The following BBS12 variants were observed in gnomAD, a reference collection of about 807,000 sequenced individuals.
BBS12 encodes the protein chaperonin-containing T-complex member BBS12.
BBS12 carries 5 observed loss-of-function variants against 5.6 expected under a neutral mutation model. The observed-to-expected ratio is 0.89, with a 90% CI of 0.46 to 1.86. The LOEUF is 1.86. Among genes scored for constraint, BBS12 ranks in the 40% most tolerant of loss-of-function variants. The pLI is 0.01. For synonymous variants in BBS12, 308 were observed against 306.8 expected (o/e 1.00, Z -0.04); for missense variants, 748 against 830.4 (o/e 0.90, Z 1.22).
intron 1 of BBS12, among the ~76,000 whole-genome samples, chr4:122,733,376 A>AACACACACACACACACACACAC (rs3034555): frequency 4.5e-5 from 4 of 88,112 alleles, no homozygotes; most frequent in Non-Finnish European, 6.6e-5. Flanking sequence ...CTCCAACCCC[A>AACACACACACACACACACACAC]ACACACACAC....
At chr4:122,740,810 G>A (rs962438232) in intron 1 of BBS12, among the ~76,000 whole-genome samples, 3 of 152,090 alleles carry the variant, frequency 2.0e-5, no homozygotes, top group African/African-American at 7.2e-5. Context: ...ATTAAAACAA[G>A]AACTCATAAA....
chr4:122,734,162 A>T (rs997450706), intron 1 of BBS12: 2 of 152,166 alleles, frequency 1.3e-5, no homozygotes, highest in Non-Finnish European at 2.9e-5. Context: ...AATGGCACAA[A>T]TCCAAGATAA....
chr4:122,740,287 T>G (rs1262120122), intron 1 of BBS12, among the ~76,000 whole-genome samples: 2 of 152,064 alleles, frequency 1.3e-5, no homozygotes, highest in African/African-American at 4.8e-5. Context: ...ATAAAAAGAA[T>G]GCTAATCATT....
At chr4:122,716,670 T>C in the BBS12 span, among the ~76,000 whole-genome samples, 5 of 62,094 alleles carry the variant, frequency 8.1e-5, no homozygotes, top group African/African-American at 2.2e-4. Flanking sequence ...CATACACATA[T>C]GTGTATATAT....
chr4:122,742,247 G>A lies in BBS12; in HGVS notation c.355G>A (p.Gly119Ser), dbSNP rs77731085. 9.4e-4 allele frequency: 1,514 copies of A among 1,613,782 alleles called. 7 individuals carry two copies. The African/African-American group carries it at 0.013, about 14-fold the overall frequency. Reference protein sequence around the residue: ...ISIIVSVMSEGLNFCSEEVVS... With the variant: ...ISIIVSVMSESLNFCSEEVVS... ...CATAATAGTATCAGTAATGTCAGAAGGCTTAAACTTTTGTAGTGAAGAGGT... is the reference window on the plus strand; with the variant it reads ...CATAATAGTATCAGTAATGTCAGAAAGCTTAAACTTTTGTAGTGAAGAGGT... Residue 119 changes from glycine (G) to serine (S), a missense_variant, in exon 2 of 2, where the codon GGC (glycine) becomes AGC (serine). Gly to Ser is a moderately conservative substitution (Grantham distance 56). Transcript: ENST00000314218.
At chr4:122,731,889 T>C (rs561728547), upstream of BBS12, 1 of 152,198 alleles carries the variant, frequency 6.6e-6, no homozygotes, top group Non-Finnish European at 1.5e-5. Context: ...AAAACACAAT[T>C]AAAATGCTTA....
chr4:122,719,034 T>C, the BBS12 span, among the ~76,000 whole-genome samples: 2 of 152,158 alleles, frequency 1.3e-5, no homozygotes, highest in East Asian at 1.9e-4. Context: ...TTAGCCAGGA[T>C]GGTCTCGATC....
chr4:122,704,676 G>A, the BBS12 span, among the ~76,000 whole-genome samples: 1 of 152,158 alleles, frequency 6.6e-6, no homozygotes, highest in East Asian at 1.9e-4. Context: ...TCTCTCTCAT[G>A]TTTGGCTTTT....
chr4:122,742,972 G>A lies in BBS12; in HGVS notation c.1080G>A (p.Glu360=). The A allele has an allele frequency of 6.2e-7, 1 of 1,614,134 alleles. No homozygotes were observed. The highest frequency in any genetic ancestry group is 8.5e-7 in the Non-Finnish European group (1 of 1,179,978). The change falls in exon 2 of 2, where the codon GAG becomes GAA. Residue 360 remains glutamate, a synonymous_variant. Coordinates refer to ENST00000314218, the MANE Select transcript of BBS12 (RefSeq NM_152618.3). ...QNQPVRIVLI[E]GDLTENYRHL... ...AGCCTGTGCGAATAGTTCTCATTGA[G>A]GGTGACCTCACAGAGAATTACCGCC...
the BBS12 span, among the ~76,000 whole-genome samples, chr4:122,723,280 G>A: frequency 2.0e-5 from 3 of 152,232 alleles, no homozygotes; most frequent in African/African-American, 4.8e-5. Flanking sequence ...GTTTGGAAGC[G>A]TTATCTCTTT....
At chr4:122,729,372 TG>T (rs1800669253), upstream of BBS12, 1 of 152,244 alleles carries the variant, frequency 6.6e-6, no homozygotes, top group Non-Finnish European at 1.5e-5. Context: ...ACTGTATGTA[TG>T]AGATTCCGTT....
At chr4:122,723,333 T>G in the BBS12 span, among the ~76,000 whole-genome samples, 629 of 152,344 alleles carry the variant, frequency 4.1e-3, 3 homozygotes, top group African/African-American at 0.014. Flanking sequence ...CCTTAAATGG[T>G]AATAGACACC....
At chr4:122,710,435 C>A in the BBS12 span, among the ~76,000 whole-genome samples, 4 of 152,208 alleles carry the variant, frequency 2.6e-5, no homozygotes, top group African/African-American at 9.6e-5. Flanking sequence ...ATCTGCATAG[C>A]ACAACTGGGG....
In BBS12 at chr4:122,744,479, G is replaced by T; in HGVS notation, c.*454G>T. 5.5e-6 allele frequency: 1 copy of T among 182,392 alleles called. No individual in the cohort carries two copies. 11.3% of individuals were successfully genotyped at this position (182,392 alleles called of 1,614,324 possible). A position where few individuals can be genotyped will look rare whatever the true frequency, so the allele number is the denominator to read the frequency against. ...AGGGAGTTATTACCCCATACTTGAA[G>T]ATAGCTTAGTGTAAACACAAGCCTA... On this transcript the variant is annotated 3_prime_UTR_variant, in exon 2 of 2. Coordinates refer to ENST00000314218, the MANE Select transcript of BBS12 (RefSeq NM_152618.3).
chr4:122,740,652 A>G (rs527549865), intron 1 of BBS12, among the ~76,000 whole-genome samples: 1 of 152,344 alleles, frequency 6.6e-6, no homozygotes, highest in South Asian at 2.1e-4. Context: ...CACTAAATGC[A>G]TGAATGAATG....
At chr4:122,704,116 C>G in the BBS12 span, among the ~76,000 whole-genome samples, 2 of 152,194 alleles carry the variant, frequency 1.3e-5, no homozygotes, top group Non-Finnish European at 2.9e-5. Context: ...TACCAAAGTG[C>G]TGGGATTACA....
the BBS12 span, among the ~76,000 whole-genome samples, chr4:122,714,438 GACAAAAT>G: frequency 6.6e-6 from 1 of 152,126 alleles, no homozygotes; most frequent in South Asian, 2.1e-4. Context: ...TGTCCAAGAA[GACAAAAT>G]ACAAAATACA....
In BBS12 at chr4:122,743,209, C is replaced by T. The variant is rs1800917699; in HGVS notation, c.1317C>T (p.Gly439=). The stretch of plus-strand genomic sequence containing the variant: ...GGTTGGTAATCGGCTCAGTGAATGG[C>T]AGTGTGATGCAGGCTTTTGCAGAGG... ...SKRLVIGSVN[G]SVMQAFAEAA... The change falls in exon 2 of 2, where the codon GGC becomes GGT. Residue 439 remains glycine, a synonymous_variant. Coordinates refer to ENST00000314218, the MANE Select transcript of BBS12 (RefSeq NM_152618.3). 1.9e-6 allele frequency: 3 copies of T among 1,614,054 alleles called. No homozygotes were observed. In the African/African-American group the frequency reaches 4.0e-5, roughly 22 times the overall value.
the BBS12 span, among the ~76,000 whole-genome samples, chr4:122,709,042 G>A: frequency 6.6e-6 from 1 of 152,004 alleles, no homozygotes; most frequent in African/African-American, 2.4e-5. Context: ...CAAACGATTT[G>A]TTTTATGAGT....
Sources: gnomAD v4.1 joint callset for allele counts (sites outside exome capture counted in the v4.1 genomes callset) on GRCh38, gnomAD v4.1.1 for gene constraint, MANE v1.5 for transcripts, NCBI Gene and HGNC (gene_info 2026-07-23, HGNC 2026-07-21) for gene names.